EXOC6B: variants seen among roughly 807,000 people sequenced by gnomAD.
EXOC6B encodes the protein exocyst complex component 6B.
Under a neutral mutation model 113.5 loss-of-function variants are expected in EXOC6B, and 54 were observed. The ratio of observed to expected loss-of-function variants is 0.48; its 90% CI spans 0.38 to 0.60. The LOEUF (loss-of-function observed/expected upper bound fraction) is 0.60, where lower values mean the gene tolerates loss of function less well. EXOC6B is among the 20% of genes least tolerant of loss of function. The pLI is 0.00. For missense variants in EXOC6B, 797 were observed against 977.5 expected (o/e 0.82, Z 2.46); for synonymous variants, 357 against 339.0 (o/e 1.05, Z -0.58).
intron 1 of EXOC6B, among the ~76,000 whole-genome samples, chr2:72,784,661 G>T (rs1684267485): frequency 6.6e-6 from 1 of 152,144 alleles, no homozygotes. Flanking sequence ...ACTATCATGA[G>T]AATAGCACAG....
rs115369424 is a variant in EXOC6B, at chr2:72,354,787, T to C, written c.2123-19767A>G. 2.6e-3 allele frequency among the ~76,000 whole-genome samples: 397 copies of C among 152,298 alleles called. 2 individuals are homozygous for C. The highest frequency in any genetic ancestry group is 9.0e-3 in the African/African-American group (372 of 41,564). ...TGGGTCTCCATAGCTAAGAAAGGCA[T>C]ATCATAAAAGCACAGCACCGAGCAA... On this transcript the variant is annotated intron_variant, in intron 19 of 21. Coordinates refer to ENST00000272427, the MANE Select transcript of EXOC6B (RefSeq NM_015189.3).
intron 2 of EXOC6B, among the ~76,000 whole-genome samples, chr2:72,737,035 C>G (rs1417947453): frequency 2.0e-5 from 3 of 152,114 alleles, no homozygotes; most frequent in Non-Finnish European, 4.4e-5. Flanking sequence ...GAAAGACGCA[C>G]TACTAAGATT....
At chr2:72,386,478 G>C (rs1193874121) in intron 18 of EXOC6B, among the ~76,000 whole-genome samples, 1 of 152,202 alleles carries the variant, frequency 6.6e-6, no homozygotes, top group Non-Finnish European at 1.5e-5. Context: ...CAGGCCCAGA[G>C]GTTTAGGAGG....
chr2:72,455,900 A>G (rs1697201327), intron 18 of EXOC6B, among the ~76,000 whole-genome samples: 2 of 152,196 alleles, frequency 1.3e-5, no homozygotes, highest in African/African-American at 4.8e-5. Context: ...TGTACTCAAA[A>G]GATAGTAGCT....
chr2:72,403,462 G>A (rs6718052), intron 18 of EXOC6B, among the ~76,000 whole-genome samples: 30,308 of 152,038 alleles, frequency 0.2, 5,558 homozygotes, highest in African/African-American at 0.49. Flanking sequence ...CAAGGTGGTA[G>A]GATTGCTTGA....
chr2:72,271,528 G>A (rs1261708877), intron 20 of EXOC6B, among the ~76,000 whole-genome samples: 1 of 151,882 alleles, frequency 6.6e-6, no homozygotes, highest in African/African-American at 2.4e-5. Flanking sequence ...AAGGAGGAAG[G>A]AAGGTAGGGA....
intron 1 of EXOC6B, among the ~76,000 whole-genome samples, chr2:72,808,080 C>G (rs1368518102): frequency 6.6e-6 from 1 of 152,054 alleles, no homozygotes; most frequent in African/African-American, 2.4e-5. Flanking sequence ...AAGTATAACA[C>G]CTACTATGGC....
intron 20 of EXOC6B, among the ~76,000 whole-genome samples, chr2:72,265,911 A>T (rs1448066130): frequency 6.6e-6 from 1 of 152,112 alleles, no homozygotes; most frequent in African/African-American, 2.4e-5. Context: ...CCTCTCCAGC[A>T]CCTGTTGTTT....
chr2:72,580,388 C>T (rs1371675687), intron 6 of EXOC6B, among the ~76,000 whole-genome samples: 1 of 151,980 alleles, frequency 6.6e-6, no homozygotes, highest in Non-Finnish European at 1.5e-5. Flanking sequence ...AATGATCCAC[C>T]CAACTCGGCC....
chr2:72,552,305 G>T (rs1327334080), intron 8 of EXOC6B, among the ~76,000 whole-genome samples: 2 of 152,094 alleles, frequency 1.3e-5, no homozygotes, highest in Non-Finnish European at 2.9e-5. Flanking sequence ...TTACAACTGT[G>T]AACTCCCTTA....
intron 8 of EXOC6B, among the ~76,000 whole-genome samples, chr2:72,550,178 A>T (rs1271876503): frequency 2.0e-5 from 3 of 152,094 alleles, no homozygotes; most frequent in Admixed American, 1.3e-4. Flanking sequence ...AGAAAAAAAA[A>T]TTACAAACAT....
intron 8 of EXOC6B, among the ~76,000 whole-genome samples, chr2:72,535,435 C>T (rs1473073191): frequency 6.6e-6 from 1 of 152,182 alleles, no homozygotes; most frequent in East Asian, 1.9e-4. Context: ...GGGGTACATA[C>T]TCCATGCTGT....
At chr2:72,292,283 T>C (rs961084588) in intron 20 of EXOC6B, among the ~76,000 whole-genome samples, 1 of 150,972 alleles carries the variant, frequency 6.6e-6, no homozygotes, top group African/African-American at 2.4e-5. Context: ...TATCAATCCA[T>C]AAAATTGAGT....
intron 20 of EXOC6B, among the ~76,000 whole-genome samples, chr2:72,275,730 G>A (rs891037030): frequency 2.6e-5 from 4 of 152,170 alleles, no homozygotes; most frequent in Admixed American, 6.6e-5. Context: ...AAGTTCAGCC[G>A]CTGTGCCAAG....
Position 72,178,158 on chromosome 2 carries a change from A to G in EXOC6B, c.*1177T>C, listed in dbSNP as rs937592900. 4 of 152,182 alleles carry G rather than the reference A, an allele frequency of 2.6e-5. No homozygotes were observed. Among genetic ancestry groups the G allele is most frequent in the Non-Finnish European group, 5.9e-5 (4 of 68,036 alleles). 9.4% of individuals were successfully genotyped at this position (152,182 alleles called of 1,614,324 possible). A position where few individuals can be genotyped will look rare whatever the true frequency, so the allele number is the denominator to read the frequency against. ...CAAAATAATATCTAGGATATTATTT[A>G]GTGAAGGACAGTTGGGCCAGAGGCA... On this transcript the variant is annotated 3_prime_UTR_variant, in exon 22 of 22. Transcript: ENST00000272427.
intron 18 of EXOC6B, among the ~76,000 whole-genome samples, chr2:72,430,468 T>C (rs1308373666): frequency 6.6e-6 from 1 of 152,110 alleles, no homozygotes; most frequent in Non-Finnish European, 1.5e-5. Flanking sequence ...AAACCCTGTC[T>C]TACTAAAAAT....
chr2:72,203,206 C>G (rs1305378160), intron 20 of EXOC6B, among the ~76,000 whole-genome samples: 1 of 152,138 alleles, frequency 6.6e-6, no homozygotes, highest in Admixed American at 6.5e-5. Context: ...TCTCTTTGTC[C>G]TATCTAAATC....
intron 1 of EXOC6B, among the ~76,000 whole-genome samples, chr2:72,809,868 T>A (rs1685785199): frequency 6.6e-6 from 1 of 152,056 alleles, no homozygotes; most frequent in African/African-American, 2.4e-5. Flanking sequence ...AAATCATAAA[T>A]CAACAGATAA....
At chr2:72,358,057 T>C (rs143771554) in intron 19 of EXOC6B, among the ~76,000 whole-genome samples, 1 of 152,292 alleles carries the variant, frequency 6.6e-6, no homozygotes, top group Non-Finnish European at 1.5e-5. Flanking sequence ...TTGGAATATA[T>C]ACCGCATAGA....
Sources: allele counts gnomAD v4.1 joint callset (sites outside exome capture counted in the v4.1 genomes callset), GRCh38; gene constraint gnomAD v4.1.1; transcripts MANE v1.5; gene names NCBI Gene and HGNC (gene_info 2026-07-23, HGNC 2026-07-21).